SF3B3: variants seen among roughly 807,000 people sequenced by gnomAD.
SF3B3 encodes splicing factor 3b subunit 3, also known as SAP 130.
Under a neutral mutation model 139.2 loss-of-function variants are expected in SF3B3, and 33 were observed. That is an observed-to-expected ratio of 0.24 (90% CI 0.18 to 0.32). The LOEUF (loss-of-function observed/expected upper bound fraction) is 0.32, where lower values mean the gene tolerates loss of function less well. Among genes scored for constraint, SF3B3 ranks in the 10% least tolerant of loss-of-function variants. The probability of loss-of-function intolerance (pLI) is 1.00; values close to 1 mark genes in which losing one functional copy is unlikely to be tolerated. For missense variants in SF3B3, 818 were observed against 1,509.4 expected (o/e 0.54, Z 7.59); for synonymous variants, 596 against 563.6 (o/e 1.06, Z -0.81).
intron 20 of SF3B3, among the ~76,000 whole-genome samples, chr16:70,566,504 G>A (rs538137718): frequency 6.6e-6 from 1 of 152,302 alleles, no homozygotes; most frequent in Admixed American, 6.5e-5. Context: ...AGAGGTTGCA[G>A]TGAGCCGAGA....
chr16:70,532,779 T>C (rs1347519412), intron 5 of SF3B3, among the ~76,000 whole-genome samples, 159 bp downstream of exon 5: 2 of 152,340 alleles, frequency 1.3e-5, no homozygotes, highest in East Asian at 3.9e-4. Flanking sequence ...GTGGAGTGAT[T>C]TTAAAAAGTG....
chr16:70,551,112 A>G (rs969357161), intron 11 of SF3B3, among the ~76,000 whole-genome samples: 2 of 152,098 alleles, frequency 1.3e-5, no homozygotes, highest in Non-Finnish European at 2.9e-5. Flanking sequence ...AGGTATCTGG[A>G]TGGTCGCTCA....
chr16:70,532,673 C>T, intron 5 of SF3B3, 53 bp downstream of exon 5: 1 of 1,558,654 alleles, frequency 6.4e-7, no homozygotes, highest in Admixed American at 1.7e-5. Flanking sequence ...CATTTTATGC[C>T]CAAACCTAAT....
chr16:70,560,377 A>G lies in SF3B3; in HGVS notation c.2011-92A>G, dbSNP rs560336369. 1.7e-5 allele frequency: 23 copies of G among 1,338,528 alleles called. No individual in the cohort carries two copies. The African/African-American group carries it at 2.1e-4, about 12-fold the overall frequency. 82.9% of individuals were successfully genotyped at this position (1,338,528 alleles called of 1,614,324 possible). On this transcript the variant is annotated intron_variant, in intron 15 of 25. Coordinates refer to ENST00000302516, the MANE Select transcript of SF3B3 (RefSeq NM_012426.5). ...CAAGTCATTTCTTTCTATCTGCTCTAATTTCTTATGTGAAGTACCCAAGGG... is the reference window on the plus strand; with the variant it reads ...CAAGTCATTTCTTTCTATCTGCTCTGATTTCTTATGTGAAGTACCCAAGGG...
At chr16:70,551,915 A>G (rs919186379) in intron 11 of SF3B3, among the ~76,000 whole-genome samples, 11 of 152,206 alleles carry the variant, frequency 7.2e-5, no homozygotes, top group African/African-American at 1.9e-4. Context: ...AGGAAGGGGT[A>G]GAAGTTACAA....
In SF3B3 at chr16:70,561,623, C is replaced by G; in HGVS notation, c.2134-7C>G. On this transcript the variant is annotated splice_region_variant and splice_polypyrimidine_tract_variant and intron_variant, in intron 16 of 25. Transcript: ENST00000302516. ...TTATTGGAGCTGGGTTTTTTTTTTC[C>G]CCTCAGGTATTGGCCATGTCAAGCC... 1 of 1,599,556 alleles carries G rather than the reference C, an allele frequency of 6.3e-7. No individual in the cohort carries two copies. Among genetic ancestry groups the G allele is most frequent in the African/African-American group, 1.4e-5 (1 of 73,440 alleles).
chr16:70,523,965 G>A, intron 1 of SF3B3, 37 bp downstream of exon 1: 1 of 421,944 alleles, frequency 2.4e-6, no homozygotes, highest in Non-Finnish European at 4.2e-6. Flanking sequence ...CGGGCCCGGG[G>A]AGGCGGAGAC....
intron 8 of SF3B3, among the ~76,000 whole-genome samples, chr16:70,541,188 C>T (rs973659139): frequency 7.9e-5 from 12 of 152,136 alleles, no homozygotes; most frequent in Non-Finnish European, 1.5e-4. Context: ...TGCCTTTCCC[C>T]GGTGATGAGT....
intron 10 of SF3B3, among the ~76,000 whole-genome samples, chr16:70,548,108 TGAAGG>T (rs1348557375): frequency 6.6e-6 from 1 of 152,180 alleles, no homozygotes; most frequent in East Asian, 1.9e-4. Flanking sequence ...ATATTGTACT[TGAAGG>T]AAAGGGGTAT....
At chr16:70,569,438 A>C (rs986887292) in intron 23 of SF3B3, among the ~76,000 whole-genome samples, 28 of 152,184 alleles carry the variant, frequency 1.8e-4, no homozygotes, top group Admixed American at 6.5e-5. Context: ...CTATTTTAGA[A>C]GACAAGCCTA....
chr16:70,577,222 C>T lies in SF3B3; in HGVS notation c.*5409C>T, dbSNP rs2050588690. The T allele has an allele frequency of 6.6e-6, 1 of 152,344 alleles. No individual in the cohort carries two copies. The highest frequency in any genetic ancestry group is 2.4e-5 in the African/African-American group (1 of 41,458). 9.4% of individuals were successfully genotyped at this position (152,344 alleles called of 1,614,324 possible). ...GGGGTTCTGAGGCTTGTCCGCTGAC[C>T]TGGGGCTCTGGCCCTGGGAGATCTG... On this transcript the variant is annotated 3_prime_UTR_variant, in exon 26 of 26. Transcript: ENST00000302516.
At position 70,571,904 on chromosome 16, in the gene SF3B3, A is replaced by G. The variant is rs1597726391; in HGVS notation, c.*91A>G. The G allele has an allele frequency of 6.9e-7, 1 of 1,445,648 alleles. No individual in the cohort carries two copies. 89.6% of individuals were successfully genotyped at this position (1,445,648 alleles called of 1,614,324 possible). On this transcript the variant is annotated 3_prime_UTR_variant, in exon 26 of 26. Coordinates refer to ENST00000302516, the MANE Select transcript of SF3B3 (RefSeq NM_012426.5). The stretch of plus-strand genomic sequence containing the variant: ...CACCTGGCTTCTGCCATGTGGCAGG[A>G]GGGTGACTGGATAATTAAGACTGCA...
intron 3 of SF3B3, among the ~76,000 whole-genome samples, chr16:70,530,081 G>A (rs1431430796): frequency 6.6e-6 from 1 of 151,526 alleles, no homozygotes; most frequent in African/African-American, 2.4e-5. Flanking sequence ...AGCCGAGATA[G>A]CGCTACTGCA....
intron 21 of SF3B3, 31 bp downstream of exon 21, chr16:70,567,567 A>G: frequency 6.2e-7 from 1 of 1,603,922 alleles, no homozygotes; most frequent in Non-Finnish European, 8.5e-7. Context: ...GCTGAGATCT[A>G]GCTCATGTGT....
rs1597727428 is a variant in SF3B3 at position 70,575,045 on chromosome 16, A to G, written c.*3232A>G. 6.6e-6 allele frequency: 1 copy of G among 152,324 alleles called. No homozygotes were observed. The highest frequency in any genetic ancestry group is 1.9e-4 in the East Asian group (1 of 5,178). The allele number at this position is 152,324 out of a possible 1,614,324, so 9.4% of individuals were successfully genotyped here. On this transcript the variant is annotated 3_prime_UTR_variant, in exon 26 of 26. Coordinates refer to ENST00000302516, the MANE Select transcript of SF3B3 (RefSeq NM_012426.5). ...GGACTCTTAAAACACCTGCTTGGCC[A>G]TGGTTGATTGACATTTGAGTGATCT...
At chr16:70,565,578 C>G (rs1160734252) in intron 20 of SF3B3, 54 bp downstream of exon 20, 18 of 1,536,388 alleles carry the variant, frequency 1.2e-5, no homozygotes, top group South Asian at 8.3e-5. Flanking sequence ...AATTCTCTCA[C>G]TTTTGCTTAT....
intron 10 of SF3B3, among the ~76,000 whole-genome samples, chr16:70,545,506 G>T (rs1258579096): frequency 6.6e-6 from 1 of 152,154 alleles, no homozygotes; most frequent in African/African-American, 2.4e-5. Flanking sequence ...TATTCTCTGT[G>T]TATCGTAGTC....
intron 22 of SF3B3, 95 bp from the exon 23 acceptor site, chr16:70,568,948 G>A: frequency 1.2e-6 from 1 of 803,238 alleles, no homozygotes. Flanking sequence ...GTGCCCCTGT[G>A]GCTGACTTGC....
Position 70,576,843 on chromosome 16 carries a change from T to C in SF3B3, c.*5030T>C, listed in dbSNP as rs1170025544. 1 of 152,300 alleles carries C rather than the reference T, an allele frequency of 6.6e-6. No individual in the cohort carries two copies. 9.4% of individuals were successfully genotyped at this position (152,300 alleles called of 1,614,324 possible). ...GTAAATTGGTAGAATAAGACTGATT[T>C]ACTGGGCCTGGCATGGTGGCTCACA... is the stretch of plus-strand genomic sequence containing the variant. On this transcript the variant is annotated 3_prime_UTR_variant, in exon 26 of 26. Transcript: ENST00000302516.
Sources: gnomAD v4.1 joint callset for allele counts (sites outside exome capture counted in the v4.1 genomes callset) on GRCh38, gnomAD v4.1.1 for gene constraint, MANE v1.5 for transcripts, NCBI Gene and HGNC (gene_info 2026-07-23, HGNC 2026-07-21) for gene names.